Variants in TMEM184C observed in about 807,000 individuals in gnomAD.
TMEM184C encodes the protein transmembrane protein 184C.
A neutral mutation model predicts 54.5 loss-of-function variants in TMEM184C; 25 were observed. That is an observed-to-expected ratio of 0.46 (90% confidence interval 0.33 to 0.64). The LOEUF is 0.64. Among genes scored for constraint, TMEM184C ranks in the 30% least tolerant of loss-of-function variants. TMEM184C has a pLI of 0.02. For missense variants in TMEM184C, 335 were observed against 520.3 expected, an observed-to-expected ratio of 0.64 and a Z score of 3.46; for synonymous variants, 148 against 181.5, an observed-to-expected ratio of 0.82 and a Z score of 1.49.
Position 147,632,889 on chromosome 4 carries a change from T to C in TMEM184C, c.780-14T>C, listed in dbSNP as rs1424508129. 2 of 1,610,338 alleles carry C rather than the reference T, an allele frequency of 1.2e-6. No homozygotes were observed. Among genetic ancestry groups the C allele is most frequent in the Non-Finnish European group, 1.7e-6 (2 of 1,178,442 alleles). Reference sequence around the variant, plus strand: ...TTGATATAGATTTGGCGTTTACCTTTTCCTAACATATAGGCAAGCAGTAGT... The same window carrying C: ...TTGATATAGATTTGGCGTTTACCTTCTCCTAACATATAGGCAAGCAGTAGT... On this transcript the variant is annotated splice_polypyrimidine_tract_variant and intron_variant, in intron 7 of 9. Transcript: ENST00000296582.
intron 6 of TMEM184C, among the ~76,000 whole-genome samples, chr4:147,630,155 G>A (rs1732889466): frequency 6.6e-6 from 1 of 151,958 alleles, no homozygotes; most frequent in African/African-American, 2.4e-5. Flanking sequence ...GGAAAATTGA[G>A]AATGCCAAGT....
At chr4:147,631,268 GAAT>G (rs1474425803) in intron 6 of TMEM184C, 122 bp from the exon 7 acceptor site, 1 of 599,600 alleles carries the variant, frequency 1.7e-6, no homozygotes, top group East Asian at 3.1e-5. Flanking sequence ...TCTAAAAATA[GAAT>G]AATAAAGCCT....
At chr4:147,632,696 C>CCTAT (rs1732937980) in intron 7 of TMEM184C, 2 of 490,606 alleles carry the variant, frequency 4.1e-6, no homozygotes, top group African/African-American at 1.9e-5. Context: ...AGCTTGACTC[C>CCTAT]CTATCTTGAG....
intron 8 of TMEM184C, among the ~76,000 whole-genome samples, chr4:147,633,364 A>G (rs761173096): frequency 1.3e-4 from 19 of 151,184 alleles, no homozygotes; most frequent in Admixed American, 3.3e-4. Context: ...TGTAAGGCCA[A>G]CGTTGGGGGA....
In TMEM184C at chr4:147,617,645, G is replaced by C; in HGVS notation, c.-312G>C. Reference sequence around the variant, plus strand: ...AGCCATGGTACAGGCAGAGCTCAGGGCGATCCCCAGGTGAGGGCAGCGGCT... The same window carrying C: ...AGCCATGGTACAGGCAGAGCTCAGGCCGATCCCCAGGTGAGGGCAGCGGCT... On this transcript the variant is annotated 5_prime_UTR_variant, in exon 1 of 10. Coordinates refer to ENST00000296582, the MANE Select transcript of TMEM184C (RefSeq NM_018241.3). The C allele has an allele frequency of 2.9e-6, 1 of 350,244 alleles. No homozygotes were observed. Among genetic ancestry groups the C allele is most frequent in the Non-Finnish European group, 5.6e-6 (1 of 178,134 alleles). 21.7% of individuals were successfully genotyped at this position (350,244 alleles called of 1,614,324 possible).
chr4:147,632,960 G>T lies in TMEM184C; in HGVS notation c.837G>T (p.Thr279=). 6.2e-7 allele frequency: 1 copy of T among 1,614,048 alleles called. No homozygotes were observed. The highest frequency in any genetic ancestry group is 8.5e-7 in the Non-Finnish European group (1 of 1,179,970). ...TTGGCGTTATTTCTGAAAAGCATAC[G>T]TGGGAATGGCAAACTGTAGAAGCTG... ...VKVGVISEKH[T]WEWQTVEAVA... The change falls in exon 8 of 10, where the codon ACG becomes ACT. Residue 279 remains threonine, a synonymous_variant. Coordinates refer to ENST00000296582, the MANE Select transcript of TMEM184C (RefSeq NM_018241.3).
intron 6 of TMEM184C, 109 bp downstream of exon 6, chr4:147,629,801 C>G (rs922980737): frequency 1.7e-6 from 1 of 577,922 alleles, no homozygotes; most frequent in Non-Finnish European, 2.7e-6. Flanking sequence ...TTTAATCTTC[C>G]TATAAATTAA....
Position 147,634,893 on chromosome 4 carries a change from A to T in TMEM184C, c.*459A>T. ...AGGCACCTGCCACCATGCCCAGCTAATTTTTTTTTTTTCAGTAGAGACAGG... is the reference window on the plus strand; with the variant it reads ...AGGCACCTGCCACCATGCCCAGCTATTTTTTTTTTTTTCAGTAGAGACAGG... On this transcript the variant is annotated 3_prime_UTR_variant, in exon 10 of 10. Coordinates refer to ENST00000296582, the MANE Select transcript of TMEM184C (RefSeq NM_018241.3). The T allele has an allele frequency of 6.7e-6, 1 of 148,544 alleles. No individual in the cohort carries two copies. Among genetic ancestry groups the T allele is most frequent in the Non-Finnish European group, 1.5e-5 (1 of 67,626 alleles). 9.2% of individuals were successfully genotyped at this position (148,544 alleles called of 1,614,324 possible).
At chr4:147,629,310 T>G (rs1227325270) in intron 5 of TMEM184C, among the ~76,000 whole-genome samples, 1 of 152,070 alleles carries the variant, frequency 6.6e-6, no homozygotes, top group African/African-American at 2.4e-5. Context: ...GTACTCTTTC[T>G]AGTTAAGTGT....
In TMEM184C at chr4:147,635,968, T is replaced by C. The variant is rs929809861; in HGVS notation, c.*1534T>C. 6.6e-6 allele frequency: 1 copy of C among 152,100 alleles called. No homozygotes were observed. Among genetic ancestry groups the C allele is most frequent in the African/African-American group, 2.4e-5 (1 of 41,446 alleles). 9.4% of individuals were successfully genotyped at this position (152,100 alleles called of 1,614,324 possible). ...AGATCTGTATGTACACTGAAAACTATGAAACACTGATGAAAGAAAGACACA... is the reference window on the plus strand; with the variant it reads ...AGATCTGTATGTACACTGAAAACTACGAAACACTGATGAAAGAAAGACACA... On this transcript the variant is annotated 3_prime_UTR_variant, in exon 10 of 10. Transcript: ENST00000296582.
intron 1 of TMEM184C, among the ~76,000 whole-genome samples, chr4:147,622,199 T>C (rs1213612924): frequency 1.3e-5 from 2 of 152,014 alleles, no homozygotes; most frequent in African/African-American, 4.8e-5. Flanking sequence ...CTCCTCAGCC[T>C]CACAAAGTGT....
At position 147,632,896 on chromosome 4, in the gene TMEM184C, CAT is replaced by C. The variant is rs1732942141; in HGVS notation, c.780-3_780-2del. 2.5e-6 allele frequency: 4 copies of C among 1,612,314 alleles called. No individual in the cohort carries two copies. The highest frequency in any genetic ancestry group is 3.4e-6 in the Non-Finnish European group (4 of 1,178,990). On this transcript the variant is annotated splice_polypyrimidine_tract_variant and splice_region_variant and intron_variant, in intron 7 of 9. Transcript: ENST00000296582. The stretch of plus-strand genomic sequence containing the variant: ...AGATTTGGCGTTTACCTTTTCCTAA[CAT>C]ATAGGCAAGCAGTAGTTATTGCTTT...
chr4:147,626,085 G>A (rs1437001022), intron 4 of TMEM184C, among the ~76,000 whole-genome samples: 1 of 152,192 alleles, frequency 6.6e-6, no homozygotes, highest in Non-Finnish European at 1.5e-5. Flanking sequence ...GGTGGTGCCA[G>A]CTGATTCAAC....
intron 4 of TMEM184C, among the ~76,000 whole-genome samples, chr4:147,627,287 CAA>C (rs1732832226): frequency 6.6e-6 from 1 of 151,134 alleles, no homozygotes; most frequent in South Asian, 2.1e-4. Flanking sequence ...ATTTCATTTT[CAA>C]AGATTACTGT....
chr4:147,617,874 A>C lies in TMEM184C; in HGVS notation c.-83A>C. The C allele has an allele frequency of 1.3e-6, 2 of 1,589,408 alleles. No homozygotes were observed. Among genetic ancestry groups the C allele is most frequent in the Non-Finnish European group, 1.7e-6 (2 of 1,161,920 alleles). ...TTTTCTCCGTAGTATGCGAGTTGAC[A>C]AAACAGCCAGAGAACAGGGCTCCCC... is the stretch of plus-strand genomic sequence containing the variant. On this transcript the variant is annotated 5_prime_UTR_variant, in exon 1 of 10. Transcript: ENST00000296582.
chr4:147,629,745 A>AAATTTCT, intron 6 of TMEM184C, 53 bp downstream of exon 6: 1 of 1,283,542 alleles, frequency 7.8e-7, no homozygotes. Context: ...ATCTATAACT[A>AAATTTCT]AATTTCTTTA....
At chr4:147,629,722 G>A in intron 6 of TMEM184C, 30 bp downstream of exon 6, 1 of 1,479,000 alleles carries the variant, frequency 6.8e-7, no homozygotes, top group Admixed American at 2.2e-5. Flanking sequence ...TTCTTAAACT[G>A]TACTAAATTC....
chr4:147,627,776 A>G lies in TMEM184C; in HGVS notation c.498-585A>G, dbSNP rs1250989399. ...GCCAGGTGTGGTGGTATGCAGATATAGTTCCAGCTACTCAGGAGGCTGAGG... is the reference window on the plus strand; with the variant it reads ...GCCAGGTGTGGTGGTATGCAGATATGGTTCCAGCTACTCAGGAGGCTGAGG... On this transcript the variant is annotated intron_variant, in intron 4 of 9. Transcript: ENST00000296582. 2.7e-5 allele frequency among the ~76,000 whole-genome samples: 4 copies of G among 148,796 alleles called. No homozygotes were observed. The East Asian group carries it at 7.9e-4, about 30-fold the overall frequency.
At chr4:147,624,014 T>C in intron 2 of TMEM184C, 48 bp from the exon 3 acceptor site, 10 of 1,611,722 alleles carry the variant, frequency 6.2e-6, no homozygotes, top group Non-Finnish European at 8.5e-6. Context: ...GCTTATTTCA[T>C]AAATATGACA....
Sources: gnomAD v4.1 joint callset for allele counts (sites outside exome capture counted in the v4.1 genomes callset) on GRCh38, gnomAD v4.1.1 for gene constraint, MANE v1.5 for transcripts, NCBI Gene and HGNC (gene_info 2026-07-23, HGNC 2026-07-21) for gene names.